RALGPS2: variants seen among roughly 807,000 people sequenced by gnomAD.
The protein encoded by RALGPS2 is Ral GEF with PH domain and SH3 binding motif 2, also known as ras-specific guanine nucleotide-releasing factor RalGPS2.
A neutral mutation model predicts 86.8 loss-of-function variants in RALGPS2; 43 were observed. The ratio of observed to expected loss-of-function variants is 0.50; its 90% CI spans 0.39 to 0.64. RALGPS2 has a LOEUF of 0.64. Ranked by LOEUF, RALGPS2 falls within the 30% of genes least tolerant of loss-of-function variation. RALGPS2 has a pLI of 0.00. For missense variants in RALGPS2, 536 were observed against 694.6 expected, an observed-to-expected ratio of 0.77 and a Z score of 2.57; for synonymous variants, 243 against 231.3, an observed-to-expected ratio of 1.05 and a Z score of -0.46.
intron 8 of RALGPS2, chr1:178,865,450 A>G (rs776036822): frequency 1.7e-5 from 28 of 1,613,902 alleles, no homozygotes; most frequent in Non-Finnish European, 2.2e-5. Flanking sequence ...CAATGTTTCC[A>G]TCTACATCCA....
intron 8 of RALGPS2, among the ~76,000 whole-genome samples, chr1:178,873,371 T>C (rs1328267422): frequency 6.6e-6 from 1 of 152,096 alleles, no homozygotes; most frequent in Non-Finnish European, 1.5e-5. Flanking sequence ...TTTAACCTTA[T>C]TACTAATCAA....
At chr1:178,827,245 G>T (rs1308918828) in intron 7 of RALGPS2, among the ~76,000 whole-genome samples, 1 of 152,172 alleles carries the variant, frequency 6.6e-6, no homozygotes, top group Non-Finnish European at 1.5e-5. Flanking sequence ...GCAATCTACA[G>T]ATTCAGTGCA....
chr1:178,740,086 A>G (rs1650934890), intron 1 of RALGPS2, among the ~76,000 whole-genome samples: 1 of 152,328 alleles, frequency 6.6e-6, no homozygotes, highest in South Asian at 2.1e-4. Context: ...CCTGTATTTC[A>G]TGTCTTGTGT....
Position 178,877,431 on chromosome 1 carries a change from C to A in RALGPS2, c.608-67C>A. 1.1e-5 allele frequency: 18 copies of A among 1,593,054 alleles called. 1 individual carries two copies. Among genetic ancestry groups the A allele is most frequent in the Non-Finnish European group, 1.5e-5 (18 of 1,170,646 alleles). Reference sequence around the variant, plus strand: ...TATATCTATAAACAACCCCTTCCCCCCTTTTCTTTGTCATAGTCTCCCAAC... The same window carrying A: ...TATATCTATAAACAACCCCTTCCCCACTTTTCTTTGTCATAGTCTCCCAAC... On this transcript the variant is annotated intron_variant, in intron 8 of 19. Coordinates refer to ENST00000367635, the MANE Select transcript of RALGPS2 (RefSeq NM_152663.5).
At chr1:178,886,231 AC>A (rs1659476594) in intron 13 of RALGPS2, 111 bp downstream of exon 13, 1 of 1,107,366 alleles carries the variant, frequency 9.0e-7, no homozygotes, top group African/African-American at 1.6e-5. Context: ...GGTTAAAAAA[AC>A]AAAGTAGCAG....
chr1:178,911,529 ACTT>A (rs1258971419), intron 19 of RALGPS2, among the ~76,000 whole-genome samples: 4 of 152,078 alleles, frequency 2.6e-5, no homozygotes, highest in African/African-American at 9.7e-5. Context: ...TTTTGAGAAA[ACTT>A]CTTGGTATTG....
chr1:178,749,222 C>CA (rs1268774545), intron 1 of RALGPS2, among the ~76,000 whole-genome samples: 4 of 152,056 alleles, frequency 2.6e-5, no homozygotes, highest in Non-Finnish European at 5.9e-5. Context: ...TGTGGTGGCT[C>CA]ACGCCTATAA....
At chr1:178,830,087 A>G (rs895178604) in intron 7 of RALGPS2, among the ~76,000 whole-genome samples, 4 of 152,210 alleles carry the variant, frequency 2.6e-5, no homozygotes, top group African/African-American at 9.7e-5. Context: ...CAAATACATA[A>G]GAAGTAACTA....
At chr1:178,831,144 T>A (rs1655998782) in intron 7 of RALGPS2, among the ~76,000 whole-genome samples, 2 of 152,118 alleles carry the variant, frequency 1.3e-5, no homozygotes, top group South Asian at 4.1e-4. Flanking sequence ...ACATTCAGAG[T>A]AGTGGTTACT....
chr1:178,788,282 T>C (rs139130208), intron 4 of RALGPS2, among the ~76,000 whole-genome samples: 185 of 152,326 alleles, frequency 1.2e-3, no homozygotes, highest in African/African-American at 4.0e-3. Flanking sequence ...TCAACAAATA[T>C]TTACTGGATG....
At chr1:178,760,203 T>A (rs1652165598) in intron 1 of RALGPS2, among the ~76,000 whole-genome samples, 1 of 151,904 alleles carries the variant, frequency 6.6e-6, no homozygotes, top group South Asian at 2.1e-4. Context: ...TGTAGGTGAC[T>A]ATTAGGTCCA....
chr1:178,729,434 A>T (rs1650211818), intron 1 of RALGPS2, among the ~76,000 whole-genome samples: 1 of 152,106 alleles, frequency 6.6e-6, no homozygotes. Flanking sequence ...TGATGCTCAG[A>T]TATTTGTGGG....
chr1:178,888,512 C>T (rs1659584555), intron 13 of RALGPS2, among the ~76,000 whole-genome samples: 2 of 152,108 alleles, frequency 1.3e-5, no homozygotes, highest in Non-Finnish European at 2.9e-5. Flanking sequence ...CATATTCACT[C>T]TGAGCTTCAT....
intron 16 of RALGPS2, among the ~76,000 whole-genome samples, chr1:178,894,485 A>C (rs1659855085): frequency 6.6e-6 from 1 of 152,050 alleles, no homozygotes; most frequent in African/African-American, 2.4e-5. Flanking sequence ...TTTTCACTTA[A>C]GGAAGCAGTG....
chr1:178,806,402 G>A (rs1654744913), intron 4 of RALGPS2, among the ~76,000 whole-genome samples: 1 of 151,964 alleles, frequency 6.6e-6, no homozygotes, highest in Non-Finnish European at 1.5e-5. Context: ...TTCCATATGT[G>A]CTGTTTTTTG....
intron 4 of RALGPS2, among the ~76,000 whole-genome samples, chr1:178,791,277 C>T (rs1385697546): frequency 6.7e-6 from 1 of 150,156 alleles, no homozygotes; most frequent in Non-Finnish European, 1.5e-5. Flanking sequence ...TACACCACCA[C>T]ACCTGCCTAA....
rs1558100769 is a variant in RALGPS2 at position 178,748,527 on chromosome 1, T to C, written c.-84+23108T>C. ...TTATTGATAGTCACAACAACAGGGA[T>C]GAGGTCTCAAAATAATTATGCAGAG... is the stretch of plus-strand genomic sequence containing the variant. On this transcript the variant is annotated intron_variant, in intron 1 of 19. Coordinates refer to ENST00000367635, the MANE Select transcript of RALGPS2 (RefSeq NM_152663.5). Among the ~76,000 whole-genome samples, 5 of 152,082 alleles carry C rather than the reference T, an allele frequency of 3.3e-5. No individual in the cohort carries two copies. In the South Asian group the frequency reaches 1.0e-3, roughly 32 times the overall value.
intron 6 of RALGPS2, among the ~76,000 whole-genome samples, chr1:178,817,287 G>A (rs1655277106): frequency 6.7e-6 from 1 of 149,162 alleles, no homozygotes; most frequent in Non-Finnish European, 1.5e-5. Flanking sequence ...AGAGTTTGTG[G>A]TGAGCTAAGA....
intron 1 of RALGPS2, among the ~76,000 whole-genome samples, chr1:178,767,583 A>G (rs971161915): frequency 2.0e-5 from 3 of 152,190 alleles, no homozygotes; most frequent in South Asian, 2.1e-4. Context: ...GGTAAGCCCT[A>G]TTCTGCTGTT....
Sources: allele counts gnomAD v4.1 joint callset (sites outside exome capture counted in the v4.1 genomes callset), GRCh38; gene constraint gnomAD v4.1.1; transcripts MANE v1.5; gene names NCBI Gene and HGNC (gene_info 2026-07-23, HGNC 2026-07-21).